The following FHDC1 variants were observed in gnomAD, a reference collection of about 807,000 sequenced individuals.
The protein encoded by FHDC1 is FH2 domain-containing protein 1.
A neutral mutation model predicts 52.6 loss-of-function variants in FHDC1; 25 were observed. That is an observed-to-expected ratio of 0.48 (90% CI 0.35 to 0.66). The LOEUF (loss-of-function observed/expected upper bound fraction) is 0.66. FHDC1 is among the 30% of genes least tolerant of loss of function. FHDC1 has a pLI of 0.01. For synonymous variants in FHDC1, 616 were observed against 581.5 expected (o/e 1.06, Z -0.85); for missense variants, 1,459 against 1,452.8 (o/e 1.00, Z -0.07).
chr4:152,925,869 GGAGGAGA>G, the FHDC1 span, among the ~76,000 whole-genome samples: 3 of 55,686 alleles, frequency 5.4e-5, no homozygotes, highest in East Asian at 2.0e-3. Flanking sequence ...AGGAGAAGAA[GGAGGAGA>G]AGGAGGAGGA....
rs1466978501 is a variant in FHDC1 at position 152,979,246 on chromosome 4, T to A, written c.*2523T>A. 1 of 152,166 alleles carries A rather than the reference T, an allele frequency of 6.6e-6. No individual in the cohort carries two copies. The highest frequency in any genetic ancestry group is 1.9e-4 in the East Asian group (1 of 5,178). The allele number at this position is 152,166 out of a possible 1,614,324, so 9.4% of individuals were successfully genotyped here. A position where few individuals can be genotyped will look rare whatever the true frequency, so the allele number is the denominator to read the frequency against. ...TGTGGGGCCATGGCCTCGATGATGG[T>A]CTCCACAGGTCTTTCCACCTCTGTG... is the stretch of plus-strand genomic sequence containing the variant. On this transcript the variant is annotated 3_prime_UTR_variant, in exon 12 of 12. Coordinates refer to ENST00000511601, the MANE Select transcript of FHDC1 (RefSeq NM_001371116.1).
intron 4 of FHDC1, among the ~76,000 whole-genome samples, chr4:152,956,101 C>G (rs1740075903): frequency 6.6e-6 from 1 of 152,200 alleles, no homozygotes; most frequent in African/African-American, 2.4e-5. Context: ...ACATACTGAA[C>G]AGTCCTTAAT....
chr4:152,954,132 G>T, intron 3 of FHDC1, 85 bp from the exon 4 acceptor site: 1 of 1,144,850 alleles, frequency 8.7e-7, no homozygotes, highest in Non-Finnish European at 1.3e-6. Context: ...GAAGGAGGGT[G>T]GAGGAGATTT....
chr4:152,973,059 A>G (rs1467770609), intron 11 of FHDC1, among the ~76,000 whole-genome samples: 2 of 152,174 alleles, frequency 1.3e-5, no homozygotes, highest in Non-Finnish European at 2.9e-5. Flanking sequence ...AGATTCCCAA[A>G]TAACCACAAA....
chr4:152,957,863 G>T (rs937639675), intron 4 of FHDC1, among the ~76,000 whole-genome samples: 12 of 152,184 alleles, frequency 7.9e-5, no homozygotes, highest in Non-Finnish European at 1.6e-4. Flanking sequence ...GGTGGGCCCA[G>T]AAATGAAACT....
the FHDC1 span, among the ~76,000 whole-genome samples, chr4:152,913,557 A>G: frequency 6.6e-6 from 1 of 152,236 alleles, no homozygotes. Flanking sequence ...TTCGTAAAGT[A>G]CTACTTAAAT....
chr4:152,928,607 T>C, the FHDC1 span, among the ~76,000 whole-genome samples: 1 of 152,168 alleles, frequency 6.6e-6, no homozygotes, highest in Non-Finnish European at 1.5e-5. Context: ...ATTGGACAGG[T>C]GTTATTTAAA....
At chr4:152,921,587 TCCC>T in the FHDC1 span, among the ~76,000 whole-genome samples, 22,881 of 122,252 alleles carry the variant, frequency 0.19, 1,888 homozygotes, top group Non-Finnish European at 0.23. Flanking sequence ...CCTTCCTTCC[TCCC>T]TCCCTCCCTC....
rs764288743 is a variant in FHDC1, at chr4:152,974,660, C to G, written c.1384-15C>G. On this transcript the variant is annotated splice_polypyrimidine_tract_variant and intron_variant, in intron 11 of 11. Transcript: ENST00000511601. ...ACATGTCTCATGCATCTTCGGGCTT[C>G]TCTCCATCCCTCAGGACAACCACGA... 2.7e-6 allele frequency: 4 copies of G among 1,503,786 alleles called. No individual in the cohort carries two copies. In the South Asian group the frequency reaches 4.2e-5, roughly 16 times the overall value. 93.2% of individuals were successfully genotyped at this position (1,503,786 alleles called of 1,614,324 possible).
chr4:152,935,451 C>T (rs1739334292), upstream of FHDC1, among the ~76,000 whole-genome samples: 3 of 151,908 alleles, frequency 2.0e-5, no homozygotes, highest in African/African-American at 7.3e-5. Flanking sequence ...CCCCAAGTCA[C>T]TTTGAAGAAA....
At chr4:152,923,384 C>T in the FHDC1 span, among the ~76,000 whole-genome samples, 5 of 152,186 alleles carry the variant, frequency 3.3e-5, no homozygotes, top group Non-Finnish European at 7.3e-5. Context: ...GAAGAACATT[C>T]CATGCTCATG....
the FHDC1 span, among the ~76,000 whole-genome samples, chr4:152,922,419 A>G: frequency 6.6e-6 from 1 of 152,234 alleles, no homozygotes; most frequent in Admixed American, 6.5e-5. Context: ...GCCGAATTCT[A>G]TCAGAGGTAC....
chr4:152,961,186 T>G (rs904424122), intron 6 of FHDC1, among the ~76,000 whole-genome samples: 1 of 152,126 alleles, frequency 6.6e-6, no homozygotes, highest in African/African-American at 2.4e-5. Context: ...GTGTGGGCTG[T>G]GCACGTACAC....
chr4:152,963,787 T>TG (rs1473212053), intron 8 of FHDC1, among the ~76,000 whole-genome samples: 9 of 140,630 alleles, frequency 6.4e-5, no homozygotes, highest in East Asian at 6.3e-4. Context: ...TTTTTTTTTT[T>TG]TTTTTTTTTT....
At position 152,974,853 on chromosome 4, in the gene FHDC1, C is replaced by T. The variant is rs1381540949; in HGVS notation, c.1562C>T (p.Pro521Leu). The T allele has an allele frequency of 4.4e-6, 7 of 1,605,686 alleles. No individual in the cohort carries two copies. The highest frequency in any genetic ancestry group is 1.7e-5 in the Admixed American group (1 of 59,630). ...GAGGGCCTGCTCCCTTTCCTGCACC[C>T]CAGGCCCATCAGCCCCTCCAGCCCC... ...GAEGLLPFLH[P>L]RPISPSSPSY... Residue 521 changes from proline to leucine, a missense_variant, in exon 12 of 12, where the codon CCC becomes CTC. By Grantham distance (98) the Pro-to-Leu change is moderately conservative. Coordinates refer to ENST00000511601, the MANE Select transcript of FHDC1 (RefSeq NM_001371116.1).
At chr4:152,933,197 C>A (rs1739280437), upstream of FHDC1, among the ~76,000 whole-genome samples, 1 of 152,218 alleles carries the variant, frequency 6.6e-6, no homozygotes, top group South Asian at 2.1e-4. Flanking sequence ...GCCACGAATG[C>A]CAGTAGCTGG....
At position 152,975,271 on chromosome 4, in the gene FHDC1, C is replaced by G. The variant is rs779643053; in HGVS notation, c.1980C>G (p.Ser660=). 1 of 1,613,566 alleles carries G rather than the reference C, an allele frequency of 6.2e-7. No individual in the cohort carries two copies. The highest frequency in any genetic ancestry group is 8.5e-7 in the Non-Finnish European group (1 of 1,180,044). ...CGGTGAGCCTGGGCTCAGCACAGTC[C>G]CCTCCTCTCTCGCCATTGGCTCTGG... is the stretch of plus-strand genomic sequence containing the variant. ...SEPVSLGSAQ[S]PPLSPLALGI... Residue 660 remains serine, a synonymous_variant, in exon 12 of 12, where the codon TCC becomes TCG. Transcript: ENST00000511601.
At chr4:152,959,556 C>T (rs967911552) in intron 4 of FHDC1, among the ~76,000 whole-genome samples, 14 of 152,234 alleles carry the variant, frequency 9.2e-5, no homozygotes, top group African/African-American at 3.4e-4. Context: ...AACTGTAATC[C>T]TATCACCTAG....
intron 10 of FHDC1, among the ~76,000 whole-genome samples, chr4:152,969,665 GTTTTT>G (rs535683350): frequency 3.1e-5 from 4 of 129,572 alleles, no homozygotes; most frequent in African/African-American, 1.1e-4. Context: ...TCTGGCAGTC[GTTTTT>G]TTTTTTTTTT....
Sources: gnomAD v4.1 joint callset for allele counts (sites outside exome capture counted in the v4.1 genomes callset) on GRCh38, gnomAD v4.1.1 for gene constraint, MANE v1.5 for transcripts, NCBI Gene and HGNC (gene_info 2026-07-23, HGNC 2026-07-21) for gene names.